C6orf89: variants seen among roughly 807,000 people sequenced by gnomAD.
C6orf89 encodes the protein chromosome 6 open reading frame 89.
Under a neutral mutation model 40.7 loss-of-function variants are expected in C6orf89, and 29 were observed. The ratio of observed to expected loss-of-function variants is 0.71; its 90% CI spans 0.53 to 0.97. C6orf89 has a LOEUF of 0.97. Among genes scored for constraint, C6orf89 ranks in the 50% least tolerant of loss-of-function variants. C6orf89 has a pLI of 0.00. For missense variants in C6orf89, 392 were observed against 429.1 expected (o/e 0.91, Z 0.76); for synonymous variants, 165 against 152.2 (o/e 1.08, Z -0.62).
intron 4 of C6orf89, among the ~76,000 whole-genome samples, chr6:36,913,027 G>A (rs1012773177): frequency 3.3e-5 from 5 of 152,188 alleles, no homozygotes; most frequent in Admixed American, 6.5e-5. Flanking sequence ...AATCAGAACC[G>A]TCTTCTGAAA....
intron 2 of C6orf89, 30 bp from the exon 3 acceptor site, chr6:36,899,396 T>C: frequency 6.2e-7 from 1 of 1,607,314 alleles, no homozygotes; most frequent in Non-Finnish European, 8.5e-7. Context: ...ACCTTTCTTT[T>C]TACATTTATT....
intron 1 of C6orf89, among the ~76,000 whole-genome samples, chr6:36,888,609 G>A (rs549617639): frequency 6.6e-6 from 1 of 152,290 alleles, no homozygotes; most frequent in South Asian, 2.1e-4. Context: ...ACTCCAGCCT[G>A]AGCGAAGAGT....
At chr6:36,898,428 C>T (rs568615953) in intron 2 of C6orf89, among the ~76,000 whole-genome samples, 16 of 151,866 alleles carry the variant, frequency 1.1e-4, no homozygotes, top group South Asian at 1.0e-3. Context: ...TACAGGCACC[C>T]GCCACCATGC....
At chr6:36,909,725 G>T (rs1762054684) in intron 4 of C6orf89, among the ~76,000 whole-genome samples, 1 of 150,686 alleles carries the variant, frequency 6.6e-6, no homozygotes, top group Non-Finnish European at 1.5e-5. Context: ...CAAGGCCACA[G>T]TGAGCCGTGA....
At position 36,904,171 on chromosome 6, in the gene C6orf89, C is replaced by T. The variant is rs376301128; in HGVS notation, c.403+1737C>T. Among the ~76,000 whole-genome samples, 4 of 152,310 alleles carry T rather than the reference C, an allele frequency of 2.6e-5. No individual in the cohort carries two copies. The East Asian group carries it at 5.8e-4, about 22-fold the overall frequency. ...GATGGCATTATCTTCTTCCCCAGTC[C>T]TATAAAGTAAATCTCCATACACGGT... On this transcript the variant is annotated intron_variant, in intron 4 of 8. Coordinates refer to ENST00000480824, the MANE Select transcript of C6orf89 (RefSeq NM_001286635.2).
chr6:36,908,990 A>C (rs942133956), intron 4 of C6orf89, among the ~76,000 whole-genome samples: 2 of 152,148 alleles, frequency 1.3e-5, no homozygotes, highest in Admixed American at 6.5e-5. Flanking sequence ...GGCTCATCCT[A>C]CTTCAGTATG....
chr6:36,917,420 T>A (rs1226073873), intron 7 of C6orf89, among the ~76,000 whole-genome samples: 1 of 152,194 alleles, frequency 6.6e-6, no homozygotes. Context: ...TTTGTGTCTG[T>A]TTACTTTTCT....
At chr6:36,895,311 A>G (rs1458543282) in intron 2 of C6orf89, among the ~76,000 whole-genome samples, 2 of 152,176 alleles carry the variant, frequency 1.3e-5, no homozygotes, top group African/African-American at 4.8e-5. Flanking sequence ...TGGAAATGCT[A>G]CATCTTAATT....
chr6:36,917,666 G>A (rs1762373607), intron 7 of C6orf89, among the ~76,000 whole-genome samples: 2 of 152,188 alleles, frequency 1.3e-5, no homozygotes, highest in Admixed American at 1.3e-4. Context: ...TTGTCTAGAA[G>A]TAAGAAGTTC....
chr6:36,914,945 G>A (rs1009654129), intron 6 of C6orf89, among the ~76,000 whole-genome samples: 6 of 152,166 alleles, frequency 3.9e-5, no homozygotes, highest in African/African-American at 9.7e-5. Context: ...AGCTGAGATC[G>A]CGCCATTGCC....
At chr6:36,880,177 A>G (rs1774766154) in intron 2 of C6orf89, among the ~76,000 whole-genome samples, 1 of 152,260 alleles carries the variant, frequency 6.6e-6, no homozygotes, top group Admixed American at 6.5e-5. Context: ...GGGTAAAATC[A>G]GTAATAAGAA....
chr6:36,872,270 G>C (rs555329036), intron 1 of C6orf89, among the ~76,000 whole-genome samples: 15 of 151,956 alleles, frequency 9.9e-5, no homozygotes, highest in African/African-American at 3.6e-4. Context: ...AAAATATCAG[G>C]AGTTCATATT....
intron 8 of C6orf89, among the ~76,000 whole-genome samples, chr6:36,922,351 AG>A (rs1239558803): frequency 6.9e-6 from 1 of 145,542 alleles, no homozygotes; most frequent in African/African-American, 2.8e-5. Flanking sequence ...AAAAAAAAAA[AG>A]AAAGAAAAAA....
rs2150722472 is a variant in C6orf89, at chr6:36,925,798, G to C, written c.*2357G>C. The C allele has an allele frequency of 6.6e-6, 1 of 152,380 alleles. No homozygotes were observed. The highest frequency in any genetic ancestry group is 2.1e-4 in the South Asian group (1 of 4,830). The allele number at this position is 152,380 out of a possible 1,614,324, so 9.4% of individuals were successfully genotyped here. ...TGCCACAGGATGCCCCTGCCATCTAGCTGGAAGCATCAAAAGTCCCTCTGT... is the reference window on the plus strand; with the variant it reads ...TGCCACAGGATGCCCCTGCCATCTACCTGGAAGCATCAAAAGTCCCTCTGT... On this transcript the variant is annotated 3_prime_UTR_variant, in exon 9 of 9. Transcript: ENST00000480824.
At chr6:36,890,771 C>G (rs1402285199) in intron 1 of C6orf89, among the ~76,000 whole-genome samples, 6 of 152,054 alleles carry the variant, frequency 3.9e-5, no homozygotes, top group African/African-American at 1.4e-4. Flanking sequence ...GCTCCTGGCC[C>G]CAAGTGATCC....
chr6:36,891,562 A>G (rs1306445904), intron 1 of C6orf89, among the ~76,000 whole-genome samples: 1 of 152,210 alleles, frequency 6.6e-6, no homozygotes, highest in Non-Finnish European at 1.5e-5. Flanking sequence ...TCCTTGAGGA[A>G]TCACCACACT....
At chr6:36,888,861 T>C (rs1375920202) in intron 1 of C6orf89, among the ~76,000 whole-genome samples, 3 of 152,102 alleles carry the variant, frequency 2.0e-5, no homozygotes, top group African/African-American at 7.2e-5. Flanking sequence ...AGGAGGAGAA[T>C]AGTTTTTAAA....
upstream of C6orf89, among the ~76,000 whole-genome samples, chr6:36,884,122 C>T (rs1025463044): frequency 6.6e-6 from 1 of 152,078 alleles, no homozygotes; most frequent in African/African-American, 2.4e-5. This position sits in a 1 kb window ranked among gnomAD's most constrained non-coding sequence, Gnocchi z 4.0. Context: ...ATTAGCCTGG[C>T]GTGGTGGCAG....
upstream of C6orf89, chr6:36,885,885 A>G: frequency 1.6e-6 from 1 of 634,820 alleles, no homozygotes; most frequent in South Asian, 7.1e-5. Flanking sequence ...CGAGAGGAGG[A>G]ATTACTCTAG....
Sources: gnomAD v4.1 joint callset for allele counts (sites outside exome capture counted in the v4.1 genomes callset) on GRCh38, gnomAD v4.1.1 for gene constraint, Gnocchi (gnomAD v3.1) non-coding constraint, MANE v1.5 for transcripts, NCBI Gene and HGNC (gene_info 2026-07-23, HGNC 2026-07-21) for gene names.